ARF4: variants seen among roughly 807,000 people sequenced by gnomAD.
ARF4 encodes ARF GTPase 4.
A neutral mutation model predicts 24.3 loss-of-function variants in ARF4; 5 were observed. The observed-to-expected ratio is 0.21, with a 90% CI of 0.11 to 0.43. The LOEUF (loss-of-function observed/expected upper bound fraction) is 0.43, where lower values mean the gene tolerates loss of function less well. ARF4 is among the 20% of genes least tolerant of loss of function. The probability of loss-of-function intolerance (pLI) is 1.00; values close to 1 mark genes in which losing one functional copy is unlikely to be tolerated. For synonymous variants in ARF4, 62 were observed against 73.5 expected (o/e 0.84, Z 0.80); for missense variants, 107 against 213.0 (o/e 0.50, Z 3.10).
At chr3:57,579,153 T>C (rs2069941217) in intron 3 of ARF4, among the ~76,000 whole-genome samples, 1 of 137,768 alleles carries the variant, frequency 7.3e-6, no homozygotes, top group Non-Finnish European at 1.5e-5. Context: ...CCGGGCATGG[T>C]GGCACACCTG....
intron 3 of ARF4, among the ~76,000 whole-genome samples, chr3:57,579,600 AT>A (rs1299127919): frequency 6.6e-6 from 1 of 151,680 alleles, no homozygotes; most frequent in Non-Finnish European, 1.5e-5. Context: ...ATCCTACATC[AT>A]TTTCTGTTTA....
rs1030032990 is a variant in ARF4, at chr3:57,572,074, T to C, written c.*138A>G. The C allele has an allele frequency of 1.5e-6, 1 of 649,682 alleles. No homozygotes were observed. The highest frequency in any genetic ancestry group is 2.7e-6 in the Non-Finnish European group (1 of 367,898). 40.2% of individuals were successfully genotyped at this position (649,682 alleles called of 1,614,324 possible). Reference sequence around the variant, plus strand: ...CAACATTATACTCGGTAAACAATAATTGGCAACAAAATAAGTTTAATATTC... The same window carrying C: ...CAACATTATACTCGGTAAACAATAACTGGCAACAAAATAAGTTTAATATTC... On this transcript the variant is annotated 3_prime_UTR_variant, in exon 6 of 6. Coordinates refer to ENST00000303436, the MANE Select transcript of ARF4 (RefSeq NM_001660.4).
intron 5 of ARF4, among the ~76,000 whole-genome samples, chr3:57,574,939 C>A (rs748017328): frequency 3.3e-5 from 5 of 151,792 alleles, no homozygotes; most frequent in Non-Finnish European, 7.4e-5. Context: ...ACCTCCACCT[C>A]CTGGGTTCAA....
At chr3:57,582,045 G>A (rs1370080087) in intron 3 of ARF4, among the ~76,000 whole-genome samples, 1 of 152,154 alleles carries the variant, frequency 6.6e-6, no homozygotes, top group Non-Finnish European at 1.5e-5. Context: ...GATTTAGAAT[G>A]CTCAACTGGG....
At chr3:57,583,825 A>G in intron 3 of ARF4, 73 bp downstream of exon 3, 13 of 1,017,274 alleles carry the variant, frequency 1.3e-5, no homozygotes, top group Non-Finnish European at 2.0e-5. Flanking sequence ...CCAAGTAAAT[A>G]CTAGATACTA....
intron 1 of ARF4, among the ~76,000 whole-genome samples, chr3:57,587,649 C>T (rs1448925518): frequency 6.6e-6 from 1 of 151,968 alleles, no homozygotes; most frequent in Non-Finnish European, 1.5e-5. Flanking sequence ...AAGACGACTG[C>T]TTGAGGGCTT....
At position 57,596,436 on chromosome 3, in the gene ARF4, T is replaced by G. The variant is rs146895271; in HGVS notation, c.67+638A>C. Among the ~76,000 whole-genome samples, 46 of 152,256 alleles carry G rather than the reference T, an allele frequency of 3.0e-4. No homozygotes were observed. In the East Asian group the frequency reaches 8.7e-3, roughly 29 times the overall value. On this transcript the variant is annotated intron_variant, in intron 1 of 5. Coordinates refer to ENST00000303436, the MANE Select transcript of ARF4 (RefSeq NM_001660.4). ...AAAGAAATAGAAGATAAGCTCAGTTTTCGGAGAATGAGATTAACAAGGAGC... is the reference window on the plus strand; with the variant it reads ...AAAGAAATAGAAGATAAGCTCAGTTGTCGGAGAATGAGATTAACAAGGAGC...
At chr3:57,585,363 TAAC>T (rs1205368583) in intron 1 of ARF4, among the ~76,000 whole-genome samples, 2 of 152,202 alleles carry the variant, frequency 1.3e-5, no homozygotes, top group Admixed American at 6.5e-5. Flanking sequence ...GAACTTAATG[TAAC>T]TATGTCCTAG....
intron 3 of ARF4, among the ~76,000 whole-genome samples, chr3:57,581,318 G>A (rs1215026891): frequency 6.6e-6 from 1 of 152,074 alleles, no homozygotes; most frequent in Non-Finnish European, 1.5e-5. Flanking sequence ...GAACTCCCTA[G>A]GAAGCAGTAC....
At chr3:57,579,738 A>G (rs1477560137) in intron 3 of ARF4, among the ~76,000 whole-genome samples, 1 of 152,170 alleles carries the variant, frequency 6.6e-6, no homozygotes, top group Non-Finnish European at 1.5e-5. Flanking sequence ...GTTGGAAACC[A>G]TAACTTAATT....
At chr3:57,574,069 G>A (rs549679188) in intron 5 of ARF4, among the ~76,000 whole-genome samples, 24 of 152,266 alleles carry the variant, frequency 1.6e-4, no homozygotes, top group African/African-American at 5.5e-4. Context: ...AGCCTCCAGA[G>A]TAGCTGGGCT....
In ARF4 at chr3:57,584,380, T is replaced by C; in HGVS notation, c.148+4A>G. On this transcript the variant is annotated splice_donor_region_variant and intron_variant, in intron 2 of 5. Transcript: ENST00000303436. ...GATATAAAGTCATCTGTAAACTTTCTTACCAATGGTAGGAATGGTGGTGAC... is the reference window on the plus strand; with the variant it reads ...GATATAAAGTCATCTGTAAACTTTCCTACCAATGGTAGGAATGGTGGTGAC... The C allele has an allele frequency of 6.3e-7, 1 of 1,598,526 alleles. No individual in the cohort carries two copies. Among genetic ancestry groups the C allele is most frequent in the Non-Finnish European group, 8.6e-7 (1 of 1,166,358 alleles).
chr3:57,575,270 A>G (rs1378202002), intron 5 of ARF4, among the ~76,000 whole-genome samples: 1 of 150,958 alleles, frequency 6.6e-6, no homozygotes, highest in African/African-American at 2.4e-5. Flanking sequence ...TAAGACTATC[A>G]ATAATCTTCT....
Position 57,577,438 on chromosome 3 carries a change from T to C in ARF4, c.259-51A>G, listed in dbSNP as rs761736301. 2.5e-5 allele frequency: 36 copies of C among 1,452,352 alleles called. No homozygotes were observed. In the Admixed American group the frequency reaches 3.7e-4, roughly 15 times the overall value. 90.0% of individuals were successfully genotyped at this position (1,452,352 alleles called of 1,614,324 possible). A position where few individuals can be genotyped will look rare whatever the true frequency, so the allele number is the denominator to read the frequency against. On this transcript the variant is annotated intron_variant, in intron 3 of 5. Coordinates refer to ENST00000303436, the MANE Select transcript of ARF4 (RefSeq NM_001660.4). ...TTTAACAGTTAAACGACACTCTCTA[T>C]ATGAAACAGTGTAGGCAGCAAAATG...
rs2153408211 is a variant in ARF4 at position 57,572,232 on chromosome 3, T to C, written c.523A>G (p.Asn175Asp). 1 of 1,614,090 alleles carries C rather than the reference T, an allele frequency of 6.2e-7. No individual in the cohort carries two copies. The highest frequency in any genetic ancestry group is 8.5e-7 in the Non-Finnish European group (1 of 1,179,936). The change falls in exon 6 of 6, where the codon AAT (asparagine) becomes GAT (aspartate). Residue 175 changes from asparagine to aspartate, a missense_variant. By Grantham distance (23) the Asn-to-Asp change is conservative (BLOSUM62 1). Coordinates refer to ENST00000303436, the MANE Select transcript of ARF4 (RefSeq NM_001660.4). ...TTCATTTAACGTTTTGAAAGCTCAT[T>C]TGACAGCCAGTCAAGTCCTTCATAC... ...GLYEGLDWLS[N>D]ELSKR
intron 2 of ARF4, 43 bp from the exon 3 acceptor site, chr3:57,584,050 GAAAAT>G (rs2070007159): frequency 7.5e-7 from 1 of 1,326,620 alleles, no homozygotes; most frequent in Non-Finnish European, 1.1e-6. Context: ...GCGTCATTAA[GAAAAT>G]AAAACCTTTT....
At chr3:57,595,418 C>T (rs1575790524) in intron 1 of ARF4, among the ~76,000 whole-genome samples, 1 of 152,202 alleles carries the variant, frequency 6.6e-6, no homozygotes, top group East Asian at 1.9e-4. Flanking sequence ...CTTTCAGCCA[C>T]TGAAAACTTA....
At position 57,572,143 on chromosome 3, in the gene ARF4, A is replaced by T; in HGVS notation, c.*69T>A. On this transcript the variant is annotated 3_prime_UTR_variant, in exon 6 of 6. Transcript: ENST00000303436. The stretch of plus-strand genomic sequence containing the variant: ...ATACTGTTTAATAACCAAGATACAA[A>T]CTAATTTTGTTGTAACAAGCCTAGA... 1 of 1,243,168 alleles carries T rather than the reference A, an allele frequency of 8.0e-7. No homozygotes were observed. The highest frequency in any genetic ancestry group is 1.2e-5 in the South Asian group (1 of 82,996). 77.0% of individuals were successfully genotyped at this position (1,243,168 alleles called of 1,614,324 possible). A position where few individuals can be genotyped will look rare whatever the true frequency, so the allele number is the denominator to read the frequency against.
At chr3:57,590,613 T>G (rs1459810068) in intron 1 of ARF4, among the ~76,000 whole-genome samples, 4 of 152,240 alleles carry the variant, frequency 2.6e-5, no homozygotes, top group Non-Finnish European at 2.9e-5. Flanking sequence ...ATGTTTTCCT[T>G]TATCTTTCAA....
Sources: gnomAD v4.1 joint callset for allele counts (sites outside exome capture counted in the v4.1 genomes callset) on GRCh38, gnomAD v4.1.1 for gene constraint, MANE v1.5 for transcripts, NCBI Gene and HGNC (gene_info 2026-07-23, HGNC 2026-07-21) for gene names.